Variants in DENND1A observed in about 807,000 individuals in gnomAD.
DENND1A encodes DENN domain containing 1A, also known as DENN domain-containing protein 1A.
Under a neutral mutation model 113.7 loss-of-function variants are expected in DENND1A, and 51 were observed. That is an observed-to-expected ratio of 0.45 (90% confidence interval 0.36 to 0.57). The LOEUF is 0.57. Among genes scored for constraint, DENND1A ranks in the 20% least tolerant of loss-of-function variants. The pLI is 0.00. For missense variants in DENND1A, 1,258 were observed against 1,395.9 expected (o/e 0.90, Z 1.57); for synonymous variants, 565 against 570.8 (o/e 0.99, Z 0.14).
At chr9:123,729,437 C>A (rs1276290790) in intron 5 of DENND1A, among the ~76,000 whole-genome samples, 1 of 152,048 alleles carries the variant, frequency 6.6e-6, no homozygotes, top group East Asian at 1.9e-4. Flanking sequence ...AATCCACATG[C>A]AAAAACAAGC....
intron 1 of DENND1A, among the ~76,000 whole-genome samples, chr9:123,919,926 A>G (rs1308138319): frequency 1.3e-5 from 2 of 150,182 alleles, no homozygotes; most frequent in African/African-American, 4.9e-5. Context: ...AACATCTGGG[A>G]TTTGCTTCAA....
Position 123,928,689 on chromosome 9 carries a change from G to C in DENND1A, c.17+1200C>G, listed in dbSNP as rs543646100. 1,519 of 985,404 alleles carry C rather than the reference G, an allele frequency of 1.5e-3. 1 individual carries two copies. The highest frequency in any genetic ancestry group is 1.8e-3 in the Non-Finnish European group (1,471 of 829,934). The allele number at this position is 985,404 out of a possible 1,614,324, so 61.0% of individuals were successfully genotyped here. ...TTGTAAATGAGAAGCCTAACCACAC[G>C]GGGGACTGCAAGGCTGGGCAAGGGT... On this transcript the variant is annotated intron_variant, in intron 1 of 23. Coordinates refer to ENST00000394215, the MANE Select transcript of DENND1A (RefSeq NM_001352964.2).
At chr9:123,853,823 T>A (rs1448954824) in intron 2 of DENND1A, among the ~76,000 whole-genome samples, 2 of 152,144 alleles carry the variant, frequency 1.3e-5, no homozygotes, top group African/African-American at 4.8e-5. Flanking sequence ...CTTAGAGACA[T>A]CTTTCTATCT....
At chr9:123,715,006 A>AC (rs2066879624) in intron 5 of DENND1A, among the ~76,000 whole-genome samples, 1 of 151,996 alleles carries the variant, frequency 6.6e-6, no homozygotes. Context: ...ACATGGCGAA[A>AC]CCCCATCTCT....
At chr9:123,564,013 T>C (rs1282298231) in intron 12 of DENND1A, among the ~76,000 whole-genome samples, 1 of 152,184 alleles carries the variant, frequency 6.6e-6, no homozygotes, top group Non-Finnish European at 1.5e-5. Context: ...ATGCTGGAGA[T>C]GTGCTGGAAA....
chr9:123,851,994 C>G (rs1447210462), intron 2 of DENND1A, among the ~76,000 whole-genome samples: 2 of 152,218 alleles, frequency 1.3e-5, no homozygotes, highest in African/African-American at 2.4e-5. Context: ...GAGTCTCCAT[C>G]AGGAAACTTC....
intron 2 of DENND1A, among the ~76,000 whole-genome samples, chr9:123,838,609 C>A (rs529344127): frequency 2.0e-4 from 31 of 152,142 alleles, no homozygotes; most frequent in Non-Finnish European, 3.8e-4. Context: ...CCAAAGATTT[C>A]CCAAATGTCC....
chr9:123,494,894 C>T (rs1588836633), intron 13 of DENND1A, among the ~76,000 whole-genome samples: 2 of 152,062 alleles, frequency 1.3e-5, no homozygotes. Context: ...CGGGTTGAAG[C>T]GATTCTCATG....
intron 2 of DENND1A, among the ~76,000 whole-genome samples, chr9:123,818,563 CACACATAT>C (rs751845179): frequency 0.029 from 1,626 of 56,916 alleles, 22 homozygotes; most frequent in East Asian, 0.15. Context: ...CACACACACA[CACACATAT>C]ATATATATAT....
intron 11 of DENND1A, among the ~76,000 whole-genome samples, chr9:123,583,569 AT>A (rs1371627482): frequency 1.3e-5 from 2 of 151,862 alleles, no homozygotes; most frequent in Non-Finnish European, 2.9e-5. Context: ...CCCCATCATC[AT>A]TTTTCCCCTA....
intron 12 of DENND1A, among the ~76,000 whole-genome samples, chr9:123,577,364 G>A (rs2058686963): frequency 6.6e-6 from 1 of 151,392 alleles, no homozygotes; most frequent in Non-Finnish European, 1.5e-5. Flanking sequence ...CATTTAATCA[G>A]GTCTTCCTTT....
At chr9:123,838,185 A>G (rs546085743) in intron 2 of DENND1A, among the ~76,000 whole-genome samples, 2 of 152,182 alleles carry the variant, frequency 1.3e-5, no homozygotes, top group East Asian at 1.9e-4. Flanking sequence ...ACAATCCACT[A>G]CTTACTAGCT....
chr9:123,390,575 A>C (rs540630990), intron 21 of DENND1A, among the ~76,000 whole-genome samples: 1 of 152,376 alleles, frequency 6.6e-6, no homozygotes, highest in South Asian at 2.1e-4. Context: ...GGGCTTCATG[A>C]GTCCACCCAT....
At chr9:123,853,808 C>T (rs958867249) in intron 2 of DENND1A, among the ~76,000 whole-genome samples, 1 of 152,136 alleles carries the variant, frequency 6.6e-6, no homozygotes, top group African/African-American at 2.4e-5. Flanking sequence ...CACTCCAGGG[C>T]AATACTTAGA....
In DENND1A at chr9:123,669,903, G is replaced by T. The variant is rs181709349; in HGVS notation, c.453+1388C>A. Among the ~76,000 whole-genome samples, 11 of 152,000 alleles carry T rather than the reference G, an allele frequency of 7.2e-5. No homozygotes were observed. The East Asian group carries it at 2.1e-3, about 29-fold the overall frequency. ...TCCTTCTCTCCCTCTCCTTCCACACGAATGGCACAGTGGAAAGACCATAGG... is the reference window on the plus strand; with the variant it reads ...TCCTTCTCTCCCTCTCCTTCCACACTAATGGCACAGTGGAAAGACCATAGG... On this transcript the variant is annotated intron_variant, in intron 7 of 23. Coordinates refer to ENST00000394215, the MANE Select transcript of DENND1A (RefSeq NM_001352964.2).
At chr9:123,621,931 T>C (rs1316669221) in intron 10 of DENND1A, among the ~76,000 whole-genome samples, 1 of 152,170 alleles carries the variant, frequency 6.6e-6, no homozygotes, top group Non-Finnish European at 1.5e-5. Flanking sequence ...CTACATGGAA[T>C]ATGTGATGCA....
chr9:123,889,044 A>G (rs182493769), intron 1 of DENND1A, among the ~76,000 whole-genome samples: 2 of 150,704 alleles, frequency 1.3e-5, no homozygotes, highest in Non-Finnish European at 2.9e-5. Flanking sequence ...CAACTTTTCT[A>G]TAAGATTCTA....
chr9:123,675,561 TTAA>T lies in DENND1A; in HGVS notation c.372+1156_372+1158del, dbSNP rs377740689. Reference sequence around the variant, plus strand: ...ATTAAGGGAAATTTTTCCTTAACGTTTAATAATAATGGATCACTTTAATTAAAA... The same window carrying T: ...ATTAAGGGAAATTTTTCCTTAACGTTTAATAATGGATCACTTTAATTAAAA... On this transcript the variant is annotated intron_variant, in intron 6 of 23. Coordinates refer to ENST00000394215, the MANE Select transcript of DENND1A (RefSeq NM_001352964.2). 1.7e-4 allele frequency among the ~76,000 whole-genome samples: 26 copies of T among 152,268 alleles called. No homozygotes were observed. The South Asian group carries it at 2.1e-3, about 12-fold the overall frequency.
intron 5 of DENND1A, among the ~76,000 whole-genome samples, chr9:123,726,027 T>C (rs752763339): frequency 9.9e-5 from 15 of 152,222 alleles, no homozygotes; most frequent in Non-Finnish European, 1.9e-4. Flanking sequence ...TGGGCATTAG[T>C]GAATGCAGAC....
Sources: allele counts gnomAD v4.1 joint callset (sites outside exome capture counted in the v4.1 genomes callset), GRCh38; gene constraint gnomAD v4.1.1; transcripts MANE v1.5; gene names NCBI Gene and HGNC (gene_info 2026-07-23, HGNC 2026-07-21).